TCTN1: variants seen among roughly 807,000 people sequenced by gnomAD.
TCTN1 encodes tectonic family member 1, also known as tectonic-1.
In TCTN1, 58 loss-of-function variants were observed where a neutral mutation model predicts 65.8. The ratio of observed to expected loss-of-function variants is 0.88; its 90% CI spans 0.71 to 1.10. The LOEUF (loss-of-function observed/expected upper bound fraction) is 1.10, where lower values mean the gene tolerates loss of function less well. TCTN1 is among the 50% of genes least tolerant of loss of function. The probability of loss-of-function intolerance (pLI) is 0.00; values close to 1 mark genes in which losing one functional copy is unlikely to be tolerated. For missense variants in TCTN1, 645 were observed against 719.4 expected, an observed-to-expected ratio of 0.90 and a Z score of 1.18; for synonymous variants, 273 against 289.1, an observed-to-expected ratio of 0.94 and a Z score of 0.57.
Position 110,626,452 on chromosome 12 carries a change from C to T in TCTN1, c.432C>T (p.Asp144=). 1 of 1,612,116 alleles carries T rather than the reference C, an allele frequency of 6.2e-7. No homozygotes were observed. The highest frequency in any genetic ancestry group is 8.5e-7 in the Non-Finnish European group (1 of 1,178,878). The change falls in exon 3 of 15, where the codon GAC becomes GAT. Residue 144 remains aspartate, a synonymous_variant. Coordinates refer to ENST00000397659, the MANE Select transcript of TCTN1 (RefSeq NM_001082538.3). ...NPPQRVFELV[D]QINPSIFCIH... is the part of the protein sequence containing the mutation. ...CTCAAAGAGTATTTGAACTTGTTGA[C>T]CAGATTAATCCATCTATTTTCTGCA... is the stretch of plus-strand genomic sequence containing the variant.
chr12:110,621,114 T>C (rs2065398724), intron 2 of TCTN1, among the ~76,000 whole-genome samples: 1 of 152,166 alleles, frequency 6.6e-6, no homozygotes, highest in Non-Finnish European at 1.5e-5. Context: ...TTCAAGGCTT[T>C]TTGAAAAACT....
In TCTN1 at chr12:110,639,034, C is replaced by T. The variant is rs1483565856; in HGVS notation, c.844-1349C>T. 2.6e-5 allele frequency among the ~76,000 whole-genome samples: 4 copies of T among 152,158 alleles called. No homozygotes were observed. Among genetic ancestry groups the T allele is most frequent in the African/African-American group, 7.2e-5 (3 of 41,448 alleles). ...CTTTCTTCTATGAGAGGTTTTGACT[C>T]GCAGGTCTTCTTGGTCATGGGAGCA... On this transcript the variant is annotated intron_variant, in intron 7 of 14. Transcript: ENST00000397659. The surrounding 1 kb of genome is among the most constrained non-coding windows in gnomAD (Gnocchi z 4.9).
Position 110,647,563 on chromosome 12 carries a change from C to T in TCTN1, c.1636-186C>T, listed in dbSNP as rs80062825. 22,513 of 1,025,714 alleles carry T rather than the reference C, an allele frequency of 0.022. 372 individuals are homozygous for T. Among genetic ancestry groups the T allele is most frequent in the South Asian group, 0.051 (3,468 of 68,592 alleles). The allele number at this position is 1,025,714 out of a possible 1,614,324, so 63.5% of individuals were successfully genotyped here. On this transcript the variant is annotated intron_variant, in intron 13 of 14. Transcript: ENST00000397659. ...ATTCTCATGAAAATTATGATATTCA[C>T]GTGTTAATCAGACACCCTGGTAAAA... is the stretch of plus-strand genomic sequence containing the variant.
chr12:110,626,736 T>A (rs1457216636), intron 3 of TCTN1, among the ~76,000 whole-genome samples: 1 of 150,310 alleles, frequency 6.7e-6, no homozygotes, highest in African/African-American at 2.4e-5. Context: ...CCTGCCACCA[T>A]GCCTGGATAA....
intron 2 of TCTN1, among the ~76,000 whole-genome samples, chr12:110,621,760 C>T (rs1205305865): frequency 2.0e-5 from 3 of 152,006 alleles, no homozygotes; most frequent in African/African-American, 4.8e-5. Context: ...GCGTGAGCCA[C>T]TGCGCCTAAC....
chr12:110,626,233 C>G (rs2065833908), intron 2 of TCTN1, 129 bp from the exon 3 acceptor site: 2 of 1,121,834 alleles, frequency 1.8e-6, no homozygotes, highest in Non-Finnish European at 2.5e-6. Context: ...GGACGTCATG[C>G]TTTCATAAAT....
chr12:110,628,949 C>G lies in TCTN1; in HGVS notation c.624+31C>G, dbSNP rs373412754. 3.3e-5 allele frequency: 53 copies of G among 1,611,530 alleles called. No individual in the cohort carries two copies. In the African/African-American group the frequency reaches 5.7e-4, roughly 17 times the overall value. ...CCTGAACTTGATTGATTCTTTTCATCCCATCACAAATATCTTTCCTTGTAA... is the reference window on the plus strand; with the variant it reads ...CCTGAACTTGATTGATTCTTTTCATGCCATCACAAATATCTTTCCTTGTAA... On this transcript the variant is annotated intron_variant, in intron 4 of 14. Transcript: ENST00000397659.
chr12:110,626,191 C>A (rs181175791), intron 2 of TCTN1, among the ~76,000 whole-genome samples, 171 bp from the exon 3 acceptor site: 34 of 150,134 alleles, frequency 2.3e-4, no homozygotes, highest in Middle Eastern at 3.4e-3. Flanking sequence ...TGGGTTCATG[C>A]CATTCTCCCG....
intron 7 of TCTN1, among the ~76,000 whole-genome samples, chr12:110,637,104 C>T (rs1185223404): frequency 6.6e-6 from 1 of 152,224 alleles, no homozygotes; most frequent in African/African-American, 2.4e-5. Flanking sequence ...ACACAGTCCC[C>T]ATGGAGGCCT....
intron 2 of TCTN1, among the ~76,000 whole-genome samples, chr12:110,623,083 T>C (rs2065557190): frequency 6.6e-6 from 1 of 152,162 alleles, no homozygotes; most frequent in African/African-American, 2.4e-5. Flanking sequence ...CCATCCCTGC[T>C]CCTGCTTTAT....
At chr12:110,620,385 G>A (rs1380170125) in intron 2 of TCTN1, among the ~76,000 whole-genome samples, 4 of 151,446 alleles carry the variant, frequency 2.6e-5, no homozygotes, top group Admixed American at 6.6e-5. Flanking sequence ...TCTAGCCTGG[G>A]TGACAGAGCG....
chr12:110,642,472 T>C (rs2067021400), intron 11 of TCTN1, 83 bp downstream of exon 11: 4 of 1,597,538 alleles, frequency 2.5e-6, no homozygotes, highest in Middle Eastern at 1.7e-4. Context: ...TAATCAAATC[T>C]CTGCATCAGC....
intron 6 of TCTN1, 95 bp downstream of exon 6, chr12:110,634,874 A>C (rs555282548): frequency 1.2e-5 from 11 of 905,000 alleles, no homozygotes; most frequent in Non-Finnish European, 1.4e-5. Flanking sequence ...ATTTCAGTAC[A>C]TGATTGACAC....
At chr12:110,636,998 G>T (rs1189282435) in intron 7 of TCTN1, among the ~76,000 whole-genome samples, 1 of 152,204 alleles carries the variant, frequency 6.6e-6, no homozygotes, top group East Asian at 1.9e-4. Flanking sequence ...CTACTTGATT[G>T]TGGTCAGGAT....
At position 110,647,804 on chromosome 12, in the gene TCTN1, A is replaced by G; in HGVS notation, c.1691A>G (p.Asp564Gly). Residue 564 changes from aspartate to glycine, a missense_variant, in exon 14 of 15, where the codon GAT (aspartate) becomes GGT (glycine). Asp to Gly is a moderately conservative substitution (Grantham distance 94, BLOSUM62 -1). Coordinates refer to ENST00000397659, the MANE Select transcript of TCTN1 (RefSeq NM_001082538.3). ...ILISTAVTFV[D>G]VSAPAEAGFR... Reference sequence around the variant, plus strand: ...ATTTCCACTGCGGTTACTTTTGTGGATGTGTCTGCACCTGCAGAGGCAGGC... The same window carrying G: ...ATTTCCACTGCGGTTACTTTTGTGGGTGTGTCTGCACCTGCAGAGGCAGGC... 4 of 1,614,146 alleles carry G rather than the reference A, an allele frequency of 2.5e-6. No individual in the cohort carries two copies. Among genetic ancestry groups the G allele is most frequent in the Non-Finnish European group, 3.4e-6 (4 of 1,180,032 alleles).
At chr12:110,620,234 C>T (rs1389978543) in intron 2 of TCTN1, among the ~76,000 whole-genome samples, 1 of 151,956 alleles carries the variant, frequency 6.6e-6, no homozygotes, top group Admixed American at 6.6e-5. Flanking sequence ...GGTGAAACCC[C>T]GTCTCTACTA....
intron 3 of TCTN1, 139 bp downstream of exon 3, chr12:110,626,631 G>C: frequency 1.2e-6 from 1 of 856,336 alleles, no homozygotes; most frequent in Non-Finnish European, 1.7e-6. Context: ...CCAGGCTGGC[G>C]TGCAGTGGCG....
In TCTN1 at chr12:110,619,901, G is replaced by C; in HGVS notation, c.286G>C (p.Asp96His). The change falls in exon 2 of 15, where the codon GAC (aspartate) becomes CAC (histidine). Residue 96 changes from aspartate (D) to histidine (H), a missense_variant. Transcript: ENST00000397659. Reference sequence around the variant, plus strand: ...TGACATCAACTGCTGCTGTGATCCCGACTGCAGCTCCGTGGATTTCAGTGT... The same window carrying C: ...TGACATCAACTGCTGCTGTGATCCCCACTGCAGCTCCGTGGATTTCAGTGT... ...QCDINCCCDP[D>H]CSSVDFSVFS... 3.1e-6 allele frequency: 5 copies of C among 1,614,080 alleles called. No homozygotes were observed. The highest frequency in any genetic ancestry group is 4.2e-6 in the Non-Finnish European group (5 of 1,180,020).
In TCTN1 at chr12:110,647,907, C is replaced by T. The variant is rs762985796; in HGVS notation, c.*1+14C>T. The T allele has an allele frequency of 6.2e-7, 1 of 1,612,708 alleles. No homozygotes were observed. Among genetic ancestry groups the T allele is most frequent in the South Asian group, 1.1e-5 (1 of 91,018 alleles). On this transcript the variant is annotated intron_variant, in intron 14 of 14. Coordinates refer to ENST00000397659, the MANE Select transcript of TCTN1 (RefSeq NM_001082538.3). ...CGTTTGTTTGACGTAAGTGAGGAAACTACGCCCCTCCTCTGAGGTCATCCC... is the reference window on the plus strand; with the variant it reads ...CGTTTGTTTGACGTAAGTGAGGAAATTACGCCCCTCCTCTGAGGTCATCCC...
Sources: gnomAD v4.1 joint callset for allele counts (sites outside exome capture counted in the v4.1 genomes callset) on GRCh38, gnomAD v4.1.1 for gene constraint, Gnocchi (gnomAD v3.1) non-coding constraint, MANE v1.5 for transcripts, NCBI Gene and HGNC (gene_info 2026-07-23, HGNC 2026-07-21) for gene names.